STXBP5L: variants seen among roughly 807,000 people sequenced by gnomAD.
STXBP5L encodes syntaxin-binding protein 5-like.
A neutral mutation model predicts 144.5 loss-of-function variants in STXBP5L; 65 were observed. That is an observed-to-expected ratio of 0.45 (90% confidence interval 0.37 to 0.55). STXBP5L has a LOEUF of 0.55. Among genes scored for constraint, STXBP5L ranks in the 20% least tolerant of loss-of-function variants. STXBP5L has a pLI of 0.00. For synonymous variants in STXBP5L, 505 were observed against 469.6 expected (o/e 1.08, Z -0.97); for missense variants, 1,298 against 1,405.5 (o/e 0.92, Z 1.22).
intron 3 of STXBP5L, among the ~76,000 whole-genome samples, chr3:120,962,133 C>T (rs1039775613): frequency 3.0e-4 from 45 of 149,278 alleles, no homozygotes; most frequent in Admixed American, 6.9e-4. Flanking sequence ...TTGTTTTTTT[C>T]TGGTAAATTT....
intron 15 of STXBP5L, among the ~76,000 whole-genome samples, chr3:121,251,293 T>C (rs1040169175): frequency 6.6e-6 from 1 of 152,190 alleles, no homozygotes; most frequent in Non-Finnish European, 1.5e-5. Flanking sequence ...ATTATACTCA[T>C]ATATACCCTT....
intron 5 of STXBP5L, among the ~76,000 whole-genome samples, chr3:121,051,094 A>C (rs1947946684): frequency 6.6e-6 from 1 of 152,212 alleles, no homozygotes; most frequent in Non-Finnish European, 1.5e-5. Context: ...GGAAGTCCTG[A>C]GTGACCTACA....
At chr3:121,048,741 A>G (rs1947705873) in intron 5 of STXBP5L, among the ~76,000 whole-genome samples, 1 of 149,070 alleles carries the variant, frequency 6.7e-6, no homozygotes, top group African/African-American at 2.5e-5. Context: ...GCTGGAGTGC[A>G]GTGGCACAAT....
intron 3 of STXBP5L, among the ~76,000 whole-genome samples, chr3:120,985,389 C>T (rs954603142): frequency 2.0e-5 from 3 of 152,016 alleles, no homozygotes; most frequent in African/African-American, 7.2e-5. Context: ...AGCTACTTAA[C>T]ATATCCAGCA....
At chr3:121,067,676 T>A (rs966395161) in intron 5 of STXBP5L, among the ~76,000 whole-genome samples, 2 of 152,168 alleles carry the variant, frequency 1.3e-5, no homozygotes, top group African/African-American at 4.8e-5. Context: ...TTTGTTTGTA[T>A]TTGTTCTATC....
At chr3:121,220,000 A>G (rs754025830) in intron 10 of STXBP5L, among the ~76,000 whole-genome samples, 5 of 152,090 alleles carry the variant, frequency 3.3e-5, no homozygotes, top group African/African-American at 1.2e-4. Flanking sequence ...AAAATTAACT[A>G]TTTTTCTTTT....
chr3:121,079,770 C>G (rs1348492847), intron 5 of STXBP5L, among the ~76,000 whole-genome samples: 1 of 152,086 alleles, frequency 6.6e-6, no homozygotes, highest in Admixed American at 6.5e-5. Context: ...AGAATGTTCC[C>G]CACGCTGATG....
chr3:121,265,445 C>A (rs2050531130), intron 18 of STXBP5L, among the ~76,000 whole-genome samples: 1 of 152,078 alleles, frequency 6.6e-6, no homozygotes, highest in Admixed American at 6.6e-5. Flanking sequence ...CACAACGTAC[C>A]AGAATCTCTG....
chr3:121,398,048 G>A (rs2046776431), intron 22 of STXBP5L, among the ~76,000 whole-genome samples: 1 of 152,134 alleles, frequency 6.6e-6, no homozygotes, highest in South Asian at 2.1e-4. Flanking sequence ...GTTTATTTGT[G>A]CTTCCAAATC....
At position 121,017,554 on chromosome 3, in the gene STXBP5L, AACACT is replaced by A. The variant is rs1253209456; in HGVS notation, c.288-24145_288-24141del. On this transcript the variant is annotated intron_variant, in intron 3 of 26. Coordinates refer to ENST00000471454, the MANE Select transcript of STXBP5L (RefSeq NM_001308330.2). ...TAGCACATCCCACAGAATCAACAAA[AACACT>A]TCTGGAACTAACAAGTGATTTCAGC... Among the ~76,000 whole-genome samples the A allele has an allele frequency of 5.3e-5, 8 of 152,220 alleles. No homozygotes were observed. In the South Asian group the frequency reaches 6.2e-4, roughly 12 times the overall value.
At chr3:121,047,951 G>T (rs1947639721) in intron 5 of STXBP5L, among the ~76,000 whole-genome samples, 1 of 151,906 alleles carries the variant, frequency 6.6e-6, no homozygotes. Flanking sequence ...TCAACAGTTT[G>T]TATACTTAAG....
chr3:121,040,700 G>A (rs1947085683), intron 3 of STXBP5L, among the ~76,000 whole-genome samples: 1 of 151,954 alleles, frequency 6.6e-6, no homozygotes, highest in South Asian at 2.1e-4. Flanking sequence ...CATTCAGTAG[G>A]CCTGCTAGAT....
At chr3:121,008,536 A>C (rs1340634079) in intron 3 of STXBP5L, among the ~76,000 whole-genome samples, 1 of 152,048 alleles carries the variant, frequency 6.6e-6, no homozygotes, top group Admixed American at 6.6e-5. Flanking sequence ...TGGGGATACA[A>C]CACCAAATAA....
At chr3:121,023,514 C>A (rs1399653395) in intron 3 of STXBP5L, among the ~76,000 whole-genome samples, 1 of 152,026 alleles carries the variant, frequency 6.6e-6, no homozygotes, top group Non-Finnish European at 1.5e-5. Flanking sequence ...GCTATGGTTA[C>A]CAAAACAGTG....
chr3:121,135,583 G>T (rs2045213939), intron 7 of STXBP5L, among the ~76,000 whole-genome samples: 1 of 152,148 alleles, frequency 6.6e-6, no homozygotes, highest in Non-Finnish European at 1.5e-5. Context: ...TCCCTTGCAT[G>T]TGTACTTTAC....
At position 121,079,104 on chromosome 3, in the gene STXBP5L, C is replaced by T. The variant is rs766868276; in HGVS notation, c.470+33569C>T. 5.0e-4 allele frequency among the ~76,000 whole-genome samples: 76 copies of T among 152,370 alleles called. 1 individual carries two copies. Among genetic ancestry groups the T allele is most frequent in the African/African-American group, 1.6e-3 (66 of 41,592 alleles). ...GTGAGGGCTGCAAGGGCTGCCAGCA[C>T]GCTGTCACCACTCAGAGAGACCAAA... On this transcript the variant is annotated intron_variant, in intron 5 of 26. Coordinates refer to ENST00000471454, the MANE Select transcript of STXBP5L (RefSeq NM_001308330.2).
intron 5 of STXBP5L, among the ~76,000 whole-genome samples, chr3:121,064,738 G>A (rs549652691): frequency 7.2e-5 from 11 of 152,254 alleles, no homozygotes; most frequent in African/African-American, 2.6e-4. Flanking sequence ...TTTAAAAAAT[G>A]TCAACTCTTA....
chr3:121,357,191 C>T (rs569521827), intron 20 of STXBP5L: 28 of 207,276 alleles, frequency 1.4e-4, no homozygotes, highest in Non-Finnish European at 1.6e-4. Flanking sequence ...TTATCATTTG[C>T]ATGAGTCAGA....
intron 5 of STXBP5L, among the ~76,000 whole-genome samples, chr3:121,053,473 C>G (rs1948191979): frequency 3.3e-5 from 5 of 152,008 alleles, no homozygotes; most frequent in African/African-American, 7.3e-5. Context: ...CCAAACCTGA[C>G]AAAAACAAGA....
Sources: gnomAD v4.1 joint callset for allele counts (sites outside exome capture counted in the v4.1 genomes callset) on GRCh38, gnomAD v4.1.1 for gene constraint, MANE v1.5 for transcripts, NCBI Gene and HGNC (gene_info 2026-07-23, HGNC 2026-07-21) for gene names.